PTPRK: variants seen among roughly 807,000 people sequenced by gnomAD.
The protein encoded by PTPRK is protein tyrosine phosphatase receptor type K.
In PTPRK, 75 loss-of-function variants were observed where a neutral mutation model predicts 178.0. That is an observed-to-expected ratio of 0.42 (90% confidence interval 0.35 to 0.51). The LOEUF is 0.51. Ranked by LOEUF, PTPRK falls within the 20% of genes least tolerant of loss-of-function variation. PTPRK has a pLI of 0.02. For synonymous variants in PTPRK, 637 were observed against 620.6 expected, an observed-to-expected ratio of 1.03 and a Z score of -0.39; for missense variants, 1,441 against 1,797.8, an observed-to-expected ratio of 0.80 and a Z score of 3.59.
chr6:128,290,474 G>T (rs867062829), intron 3 of PTPRK, among the ~76,000 whole-genome samples: 1 of 151,934 alleles, frequency 6.6e-6, no homozygotes, highest in Non-Finnish European at 1.5e-5. Context: ...AAATTCTCAG[G>T]TCTTTCCCCA....
At chr6:128,058,759 G>C (rs1780325813) in intron 13 of PTPRK, among the ~76,000 whole-genome samples, 1 of 151,572 alleles carries the variant, frequency 6.6e-6, no homozygotes, top group South Asian at 2.1e-4. Context: ...GAGGATGGTG[G>C]AGTCAATCTT....
chr6:128,420,175 T>C (rs932760167), intron 1 of PTPRK, among the ~76,000 whole-genome samples: 17 of 152,234 alleles, frequency 1.1e-4, no homozygotes, highest in African/African-American at 3.9e-4. Flanking sequence ...GAATGGAACA[T>C]TGTCTTTGTC....
chr6:128,049,800 C>T (rs80227445), intron 13 of PTPRK, among the ~76,000 whole-genome samples: 191 of 152,200 alleles, frequency 1.3e-3, no homozygotes, highest in Admixed American at 2.1e-3. Context: ...TACTTGTGTG[C>T]GTGCATGAGG....
At chr6:128,180,004 G>T (rs1483235776) in intron 7 of PTPRK, among the ~76,000 whole-genome samples, 1 of 152,022 alleles carries the variant, frequency 6.6e-6, no homozygotes, top group African/African-American at 2.4e-5. Context: ...CAATATAAGA[G>T]TAGAGAGTAG....
chr6:128,244,099 T>C (rs1197180422), intron 3 of PTPRK, among the ~76,000 whole-genome samples: 1 of 152,172 alleles, frequency 6.6e-6, no homozygotes, highest in East Asian at 1.9e-4. Flanking sequence ...TGAATGATGC[T>C]GTCAGGATTC....
At chr6:128,443,578 G>T (rs1846565619) in intron 1 of PTPRK, among the ~76,000 whole-genome samples, 1 of 152,168 alleles carries the variant, frequency 6.6e-6, no homozygotes, top group Non-Finnish European at 1.5e-5. Context: ...TGAGGTTGGG[G>T]TGAAATGCAA....
At chr6:128,162,607 C>A (rs940549550) in intron 7 of PTPRK, among the ~76,000 whole-genome samples, 3 of 151,706 alleles carry the variant, frequency 2.0e-5, no homozygotes, top group African/African-American at 7.2e-5. Context: ...GAATGAGTCA[C>A]ATACTTCATG....
At chr6:128,427,108 T>G (rs568072414) in intron 1 of PTPRK, among the ~76,000 whole-genome samples, 3 of 152,218 alleles carry the variant, frequency 2.0e-5, no homozygotes, top group Non-Finnish European at 2.9e-5. Flanking sequence ...GGTGTGGAGC[T>G]AGCATTGATT....
chr6:128,520,087 C>G (rs952579130), intron 1 of PTPRK, among the ~76,000 whole-genome samples, 172 bp downstream of exon 1: 1 of 152,190 alleles, frequency 6.6e-6, no homozygotes, highest in African/African-American at 2.4e-5. Context: ...GGGTGCCCCG[C>G]GTCCCACCTG....
chr6:128,147,383 T>C (rs1040030467), intron 7 of PTPRK, among the ~76,000 whole-genome samples: 4 of 152,170 alleles, frequency 2.6e-5, no homozygotes, highest in African/African-American at 9.6e-5. Flanking sequence ...CCTTTGGTAC[T>C]AAATAGCAAA....
intron 7 of PTPRK, among the ~76,000 whole-genome samples, chr6:128,153,291 T>TAA (rs548460442): frequency 6.8e-6 from 1 of 147,656 alleles, no homozygotes; most frequent in Admixed American, 6.8e-5. Context: ...GAAGACTGAT[T>TAA]AAAAAAAAAA....
At chr6:128,377,517 C>T (rs572401050) in intron 2 of PTPRK, among the ~76,000 whole-genome samples, 2 of 152,112 alleles carry the variant, frequency 1.3e-5, no homozygotes, top group African/African-American at 4.8e-5. Flanking sequence ...AGAGCCAAAC[C>T]ATATCATGTA....
At chr6:128,216,237 T>A (rs11962682) in intron 6 of PTPRK, among the ~76,000 whole-genome samples, 1 of 151,988 alleles carries the variant, frequency 6.6e-6, no homozygotes, top group Non-Finnish European at 1.5e-5. Context: ...GGACTTTCTT[T>A]AAAAAAAGGA....
intron 1 of PTPRK, among the ~76,000 whole-genome samples, chr6:128,512,120 A>G (rs1052500945): frequency 2.0e-5 from 3 of 152,198 alleles, no homozygotes; most frequent in Admixed American, 6.5e-5. Flanking sequence ...AAGATATACG[A>G]AAGTGCCCTC....
chr6:128,251,015 G>C (rs1428083631), intron 3 of PTPRK, among the ~76,000 whole-genome samples: 1 of 152,172 alleles, frequency 6.6e-6, no homozygotes, highest in Non-Finnish European at 1.5e-5. Flanking sequence ...AGGCTGGTTT[G>C]CCTATTGACT....
At chr6:128,376,463 C>A (rs915165271) in intron 2 of PTPRK, among the ~76,000 whole-genome samples, 1 of 152,162 alleles carries the variant, frequency 6.6e-6, no homozygotes, top group Non-Finnish European at 1.5e-5. Flanking sequence ...AGCAGGGAAG[C>A]CTTGGGTCCG....
chr6:128,096,391 T>C (rs1787906477), intron 7 of PTPRK, among the ~76,000 whole-genome samples: 1 of 152,186 alleles, frequency 6.6e-6, no homozygotes, highest in Admixed American at 6.5e-5. Context: ...AATTTAATTT[T>C]GTTTTTGGCA....
intron 13 of PTPRK, among the ~76,000 whole-genome samples, chr6:128,018,231 A>G (rs919860915): frequency 6.6e-6 from 1 of 152,114 alleles, no homozygotes; most frequent in Non-Finnish European, 1.5e-5. Flanking sequence ...ATATTTGCCC[A>G]ATGAATAGGT....
intron 1 of PTPRK, among the ~76,000 whole-genome samples, chr6:128,408,656 C>A (rs895237625): frequency 1.3e-5 from 2 of 152,172 alleles, no homozygotes; most frequent in Non-Finnish European, 2.9e-5. Context: ...TTCTACCCTA[C>A]ATAAATTGTT....
Sources: allele counts gnomAD v4.1 joint callset (sites outside exome capture counted in the v4.1 genomes callset), GRCh38; gene constraint gnomAD v4.1.1; transcripts MANE v1.5; gene names NCBI Gene and HGNC (gene_info 2026-07-23, HGNC 2026-07-21).